Variants in MRTFA observed in about 807,000 individuals in gnomAD.
MRTFA encodes the protein myocardin related transcription factor A.
In MRTFA, 20 loss-of-function variants were observed where a neutral mutation model predicts 83.5. The observed-to-expected ratio is 0.24, with a 90% CI of 0.17 to 0.35. The LOEUF is 0.35. Among genes scored for constraint, MRTFA ranks in the 10% least tolerant of loss-of-function variants. The probability of loss-of-function intolerance (pLI) is 1.00; values close to 1 mark genes in which losing one functional copy is unlikely to be tolerated. For missense variants in MRTFA, 1,200 were observed against 1,224.7 expected (o/e 0.98, Z 0.30); for synonymous variants, 659 against 541.2 (o/e 1.22, Z -3.02).
intron 1 of MRTFA, among the ~76,000 whole-genome samples, chr22:40,621,114 G>A (rs2056517714): frequency 6.6e-6 from 1 of 151,672 alleles, no homozygotes; most frequent in African/African-American, 2.4e-5. Flanking sequence ...CCCAGGAGAT[G>A]GAGGCTGCAT....
At chr22:40,440,875 C>T (rs2053262564) in intron 4 of MRTFA, among the ~76,000 whole-genome samples, 1 of 152,104 alleles carries the variant, frequency 6.6e-6, no homozygotes, top group African/African-American at 2.4e-5. Flanking sequence ...AAGTTTAGGC[C>T]TCTGCCAATT....
intron 3 of MRTFA, among the ~76,000 whole-genome samples, chr22:40,535,236 G>A (rs1053783990): frequency 1.3e-5 from 2 of 152,006 alleles, no homozygotes; most frequent in African/African-American, 4.8e-5. Context: ...CTACATGACA[G>A]TCTGGTCAAA....
At position 40,417,365 on chromosome 22, in the gene MRTFA, G is replaced by A; in HGVS notation, c.2493C>T (p.Ala831=). 1.9e-6 allele frequency: 3 copies of A among 1,611,668 alleles called. No homozygotes were observed. The highest frequency in any genetic ancestry group is 2.5e-6 in the Non-Finnish European group (3 of 1,179,842). ...CCTGCTGTTTGGGCTGCTGGCTCATGGCTTCCTCATAGCCAGGTGGTTCCT... is the reference window on the plus strand; with the variant it reads ...CCTGCTGTTTGGGCTGCTGGCTCATAGCTTCCTCATAGCCAGGTGGTTCCT... The change falls in exon 13 of 15, where the codon GCC becomes GCT. Residue 831 remains alanine (A), a synonymous_variant. Coordinates refer to ENST00000355630, the MANE Select transcript of MRTFA (RefSeq NM_020831.6).
At chr22:40,422,238 G>T (rs2052856697) in intron 9 of MRTFA, among the ~76,000 whole-genome samples, 1 of 152,146 alleles carries the variant, frequency 6.6e-6, no homozygotes, top group Non-Finnish European at 1.5e-5. Context: ...CACAACCAAG[G>T]AGAGGGAACC....
intron 3 of MRTFA, among the ~76,000 whole-genome samples, chr22:40,536,184 T>C (rs1034971141): frequency 6.6e-6 from 1 of 150,642 alleles, no homozygotes; most frequent in East Asian, 1.9e-4. Context: ...CTGTCTGTAG[T>C]CCCAGCTACT....
intron 5 of MRTFA, among the ~76,000 whole-genome samples, chr22:40,435,250 A>AT (rs1214158920): frequency 1.3e-5 from 2 of 152,238 alleles, no homozygotes; most frequent in Non-Finnish European, 2.9e-5. Context: ...ATATCCTTAA[A>AT]TGTACAAAAA....
chr22:40,449,325 T>G (rs886452668), intron 4 of MRTFA, among the ~76,000 whole-genome samples: 5 of 151,130 alleles, frequency 3.3e-5, no homozygotes, highest in African/African-American at 1.2e-4. Flanking sequence ...CCATTAACTC[T>G]TGAATCATGG....
chr22:40,428,912 C>T (rs574572180), intron 7 of MRTFA, among the ~76,000 whole-genome samples: 2 of 152,310 alleles, frequency 1.3e-5, no homozygotes, highest in African/African-American at 4.8e-5. Flanking sequence ...CCCTCTCCCA[C>T]ACGCTTTCAT....
At chr22:40,602,236 A>AT (rs2056268332) in intron 1 of MRTFA, among the ~76,000 whole-genome samples, 1 of 152,202 alleles carries the variant, frequency 6.6e-6, no homozygotes, top group South Asian at 2.1e-4. Context: ...GTCAACAAAT[A>AT]TTTTCCAAGT....
chr22:40,418,550 G>A lies in MRTFA; in HGVS notation c.2188C>T (p.Pro730Ser), dbSNP rs368896220. The change falls in exon 12 of 15, where the codon CCT (proline) becomes TCT (serine). Residue 730 changes from proline to serine, a missense_variant. By Grantham distance (74) the Pro-to-Ser change is moderately conservative. Coordinates refer to ENST00000355630, the MANE Select transcript of MRTFA (RefSeq NM_020831.6). The stretch of plus-strand genomic sequence containing the variant: ...GGGGCGGGGACCGGCTCGGGCTCAG[G>A]CTGCAAGGCTTCCTGCTTCACCACC... 10 of 1,575,428 alleles carry A rather than the reference G, an allele frequency of 6.3e-6. No individual in the cohort carries two copies. Among genetic ancestry groups the A allele is most frequent in the South Asian group, 5.9e-5 (5 of 84,950 alleles).
intron 3 of MRTFA, among the ~76,000 whole-genome samples, chr22:40,528,847 G>A (rs1187172116): frequency 6.6e-6 from 1 of 151,124 alleles, no homozygotes; most frequent in African/African-American, 2.4e-5. Flanking sequence ...ACACAAATTT[G>A]TAAACTTTCT....
chr22:40,605,393 A>C (rs2056308076), intron 1 of MRTFA, among the ~76,000 whole-genome samples: 1 of 152,252 alleles, frequency 6.6e-6, no homozygotes, highest in Non-Finnish European at 1.5e-5. Flanking sequence ...GAAAGTTGAA[A>C]GGACTGAAGA....
At chr22:40,424,440 A>T in intron 7 of MRTFA, 59 bp from the exon 8 acceptor site, 1 of 1,573,750 alleles carries the variant, frequency 6.4e-7, no homozygotes, top group Non-Finnish European at 8.7e-7. Context: ...ATGAGCAGGG[A>T]CAGGCCTGGC....
At chr22:40,566,991 C>T (rs771599994) in intron 2 of MRTFA, among the ~76,000 whole-genome samples, 1 of 152,068 alleles carries the variant, frequency 6.6e-6, no homozygotes, top group Non-Finnish European at 1.5e-5. Context: ...TTGTTTTGAC[C>T]TGTGTCTTAA....
chr22:40,608,601 A>G (rs2056347100), intron 1 of MRTFA, among the ~76,000 whole-genome samples: 3 of 152,132 alleles, frequency 2.0e-5, no homozygotes, highest in South Asian at 2.1e-4. Context: ...CCAGGACTCA[A>G]CCTCAGGTCT....
intron 3 of MRTFA, among the ~76,000 whole-genome samples, chr22:40,495,203 G>A (rs757943481): frequency 1.1e-4 from 17 of 150,564 alleles, no homozygotes; most frequent in Non-Finnish European, 2.4e-4. Context: ...GTGAGACCCC[G>A]TCTCTACTAA....
intron 2 of MRTFA, among the ~76,000 whole-genome samples, chr22:40,560,116 C>T (rs1655378028): frequency 6.6e-6 from 1 of 152,156 alleles, no homozygotes; most frequent in Non-Finnish European, 1.5e-5. Flanking sequence ...TAAAATCCTT[C>T]CATCAAGGCC....
chr22:40,525,200 A>C (rs992509225), intron 3 of MRTFA, among the ~76,000 whole-genome samples: 3 of 152,204 alleles, frequency 2.0e-5, no homozygotes, highest in African/African-American at 7.2e-5. Context: ...GAAAAAATAT[A>C]ATGTCCCCTA....
chr22:40,610,090 G>A (rs1406950911), intron 1 of MRTFA, among the ~76,000 whole-genome samples: 1 of 139,380 alleles, frequency 7.2e-6, no homozygotes, highest in Non-Finnish European at 1.5e-5. Context: ...CTGTTGCCCA[G>A]GCTTGGAGGG....
Sources: allele counts gnomAD v4.1 joint callset (sites outside exome capture counted in the v4.1 genomes callset), GRCh38; gene constraint gnomAD v4.1.1; transcripts MANE v1.5; gene names NCBI Gene and HGNC (gene_info 2026-07-23, HGNC 2026-07-21).